Variants in PLPP4 observed in about 807,000 individuals in gnomAD.
PLPP4 encodes the protein diacylglycerol pyrophosphate like 2.
Under a neutral mutation model 32.2 loss-of-function variants are expected in PLPP4, and 20 were observed. That is an observed-to-expected ratio of 0.62 (90% CI 0.44 to 0.90). PLPP4 has a LOEUF of 0.90. Among genes scored for constraint, PLPP4 ranks in the 40% least tolerant of loss-of-function variants. The probability of loss-of-function intolerance (pLI) is 0.00; values close to 1 mark genes in which losing one functional copy is unlikely to be tolerated. For synonymous variants in PLPP4, 127 were observed against 133.0 expected, an observed-to-expected ratio of 0.95 and a Z score of 0.31; for missense variants, 257 against 353.1, an observed-to-expected ratio of 0.73 and a Z score of 2.18.
At chr10:120,508,269 C>G (rs1391194212) in intron 2 of PLPP4, among the ~76,000 whole-genome samples, 1 of 152,106 alleles carries the variant, frequency 6.6e-6, no homozygotes, top group African/African-American at 2.4e-5. Flanking sequence ...TTAGACAGCT[C>G]TTTTATCTGT....
At chr10:120,588,941 G>C (rs1186562222) in intron 6 of PLPP4, among the ~76,000 whole-genome samples, 1 of 152,204 alleles carries the variant, frequency 6.6e-6, no homozygotes, top group East Asian at 1.9e-4. Flanking sequence ...AGCTACTTGG[G>C]AGGCTGAGGC....
At chr10:120,553,735 A>C (rs1848017398) in intron 5 of PLPP4, among the ~76,000 whole-genome samples, 1 of 152,190 alleles carries the variant, frequency 6.6e-6, no homozygotes, top group Non-Finnish European at 1.5e-5. Context: ...CACCCTCTCA[A>C]GGAATAGCCT....
intron 1 of PLPP4, among the ~76,000 whole-genome samples, chr10:120,476,466 GC>G (rs1390722465): frequency 1.3e-5 from 2 of 152,180 alleles, no homozygotes; most frequent in African/African-American, 4.8e-5. Context: ...GAAGTCATTT[GC>G]CCATAGTCAT....
intron 6 of PLPP4, chr10:120,581,030 G>A (rs764299889): frequency 2.6e-5 from 34 of 1,288,942 alleles, no homozygotes; most frequent in African/African-American, 1.2e-4. Flanking sequence ...CTAGGAGAGC[G>A]TAAGAAGCCT....
At chr10:120,493,844 A>T (rs1373010415) in intron 1 of PLPP4, among the ~76,000 whole-genome samples, 1 of 152,144 alleles carries the variant, frequency 6.6e-6, no homozygotes. Flanking sequence ...CTCACAGCCC[A>T]GGGGAGGAGT....
chr10:120,503,428 G>A, intron 1 of PLPP4: 1 of 929,318 alleles, frequency 1.1e-6, no homozygotes. Context: ...AGCTGTGCCA[G>A]TTACTCCCTC....
At chr10:120,586,934 T>C (rs1248910119) in intron 6 of PLPP4, among the ~76,000 whole-genome samples, 1 of 151,832 alleles carries the variant, frequency 6.6e-6, no homozygotes, top group Non-Finnish European at 1.5e-5. Context: ...GACATTGAGC[T>C]CAGAAATATG....
chr10:120,488,090 G>A (rs1198948676), intron 1 of PLPP4, among the ~76,000 whole-genome samples: 1 of 152,152 alleles, frequency 6.6e-6, no homozygotes, highest in Non-Finnish European at 1.5e-5. Flanking sequence ...GGCCTTGTGG[G>A]GTGACATTAT....
chr10:120,460,091 G>A (rs902105622), intron 1 of PLPP4, among the ~76,000 whole-genome samples: 1 of 152,194 alleles, frequency 6.6e-6, no homozygotes, highest in African/African-American at 2.4e-5. Flanking sequence ...TCGCTGGGAA[G>A]GAAATTAGTA....
intron 1 of PLPP4, among the ~76,000 whole-genome samples, chr10:120,494,575 G>A (rs1259982376): frequency 1.3e-5 from 2 of 152,214 alleles, no homozygotes; most frequent in African/African-American, 4.8e-5. Context: ...AGAGCAAGAA[G>A]AACCATCCCC....
intron 1 of PLPP4, among the ~76,000 whole-genome samples, chr10:120,486,887 A>G (rs1238008030): frequency 1.3e-5 from 2 of 152,112 alleles, no homozygotes; most frequent in Admixed American, 6.5e-5. Flanking sequence ...AGGTCAGCCC[A>G]CCCGGGCTGC....
At chr10:120,582,944 A>G (rs1849589140) in intron 6 of PLPP4, among the ~76,000 whole-genome samples, 1 of 151,812 alleles carries the variant, frequency 6.6e-6, no homozygotes, top group Non-Finnish European at 1.5e-5. Flanking sequence ...TATTTTGCAT[A>G]CTTCCTGCTA....
intron 1 of PLPP4, among the ~76,000 whole-genome samples, chr10:120,481,821 T>G (rs1844220091): frequency 6.6e-6 from 1 of 152,172 alleles, no homozygotes; most frequent in Non-Finnish European, 1.5e-5. Context: ...TGAATTCCCA[T>G]GTGTTGTGGG....
chr10:120,516,120 G>A (rs1048019040), intron 3 of PLPP4, among the ~76,000 whole-genome samples: 11 of 152,306 alleles, frequency 7.2e-5, no homozygotes, highest in Admixed American at 2.0e-4. Context: ...CCCATTGTGT[G>A]TAGAGGTTTT....
Position 120,573,075 on chromosome 10 carries a change from CA to C in PLPP4, c.446-2050del, listed in dbSNP as rs1312777017. ...CAACGGGGAGGAGAAAAAACAACAA[CA>C]AAAAACCAGGAAGGCTGTCCAAGAC... On this transcript the variant is annotated intron_variant, in intron 5 of 6. Transcript: ENST00000398250. 2.6e-5 allele frequency among the ~76,000 whole-genome samples: 4 copies of C among 152,176 alleles called. 1 individual carries two copies. The East Asian group carries it at 7.7e-4, about 29-fold the overall frequency.
chr10:120,457,171 C>A, upstream of PLPP4: 1 of 469,598 alleles, frequency 2.1e-6, no homozygotes, highest in South Asian at 9.7e-5. Flanking sequence ...CCCCGCCCGG[C>A]GCCCGCCTCC....
At chr10:120,546,200 A>G (rs1455980063) in intron 5 of PLPP4, among the ~76,000 whole-genome samples, 1 of 152,074 alleles carries the variant, frequency 6.6e-6, no homozygotes, top group African/African-American at 2.4e-5. Context: ...GTGTGAGTCA[A>G]TACTCCTTAG....
At chr10:120,477,247 A>AAAAAAAAAAAT (rs61519346) in intron 1 of PLPP4, among the ~76,000 whole-genome samples, 2 of 151,354 alleles carry the variant, frequency 1.3e-5, no homozygotes, top group Non-Finnish European at 2.9e-5. Context: ...CGGTTCAAAA[A>AAAAAAAAAAAT]GAAAAGAAAA....
intron 5 of PLPP4, among the ~76,000 whole-genome samples, chr10:120,554,202 A>T (rs964487929): frequency 1.3e-5 from 2 of 152,144 alleles, no homozygotes; most frequent in Non-Finnish European, 2.9e-5. Context: ...CTTCTGCCAG[A>T]TACTGTAAAT....
Sources: allele counts gnomAD v4.1 joint callset (sites outside exome capture counted in the v4.1 genomes callset), GRCh38; gene constraint gnomAD v4.1.1; transcripts MANE v1.5; gene names NCBI Gene and HGNC (gene_info 2026-07-23, HGNC 2026-07-21).